The following MCFD2 variants were observed in gnomAD, a reference collection of about 807,000 sequenced individuals.
MCFD2 encodes multiple coagulation factor deficiency 2, ER cargo receptor complex subunit.
Under a neutral mutation model 12.8 loss-of-function variants are expected in MCFD2, and 11 were observed. The ratio of observed to expected loss-of-function variants is 0.86; its 90% CI spans 0.54 to 1.42. The LOEUF is 1.42. Among genes scored for constraint, MCFD2 ranks in the 40% most tolerant of loss-of-function variants. MCFD2 has a pLI of 0.00. For missense variants in MCFD2, 191 were observed against 178.6 expected (o/e 1.07, Z -0.40); for synonymous variants, 70 against 68.1 (o/e 1.03, Z -0.14).
rs1668178104 is a variant in MCFD2 at position 46,905,410 on chromosome 2, T to C, written c.*53A>G. The C allele has an allele frequency of 7.5e-6, 12 of 1,602,858 alleles. No individual in the cohort carries two copies. Among genetic ancestry groups the C allele is most frequent in the Non-Finnish European group, 6.0e-6 (7 of 1,171,886 alleles). ...TATTTTGCATTACTAAAGTGTTCAATCACATTATCACGGGTCACATTTGTA... is the reference window on the plus strand; with the variant it reads ...TATTTTGCATTACTAAAGTGTTCAACCACATTATCACGGGTCACATTTGTA... On this transcript the variant is annotated 3_prime_UTR_variant, in exon 4 of 4. Transcript: ENST00000319466.
At chr2:46,912,753 G>A (rs547106204) in intron 1 of MCFD2, 4 of 152,178 alleles carry the variant, frequency 2.6e-5, no homozygotes, top group Non-Finnish European at 5.9e-5. Context: ...TTGCTGGATG[G>A]GCTTTAAGAG....
At position 46,905,411 on chromosome 2, in the gene MCFD2, C is replaced by T; in HGVS notation, c.*52G>A. Reference sequence around the variant, plus strand: ...ATTTTGCATTACTAAAGTGTTCAATCACATTATCACGGGTCACATTTGTAT... The same window carrying T: ...ATTTTGCATTACTAAAGTGTTCAATTACATTATCACGGGTCACATTTGTAT... On this transcript the variant is annotated 3_prime_UTR_variant, in exon 4 of 4. Transcript: ENST00000319466. 6.2e-7 allele frequency: 1 copy of T among 1,604,206 alleles called. No individual in the cohort carries two copies. The highest frequency in any genetic ancestry group is 1.1e-5 in the South Asian group (1 of 90,624).
intron 3 of MCFD2, chr2:46,905,985 GATAAA>G (rs1668213240): frequency 2.1e-6 from 1 of 472,940 alleles, no homozygotes; most frequent in South Asian, 1.5e-5. Flanking sequence ...AAATTTGCCT[GATAAA>G]ATAGAAACAG....
chr2:46,915,960 G>GGACTGACGC, upstream of MCFD2: 3 of 985,444 alleles, frequency 3.0e-6, no homozygotes, highest in Non-Finnish European at 3.6e-6. Context: ...AGCACTGGCG[G>GGACTGACGC]GACTGACGCA....
rs1010203545 is a variant in MCFD2 at position 46,904,584 on chromosome 2, G to T, written c.*879C>A. The T allele has an allele frequency of 6.6e-6, 1 of 152,180 alleles. No individual in the cohort carries two copies. 9.4% of individuals were successfully genotyped at this position (152,180 alleles called of 1,614,324 possible). A position where few individuals can be genotyped will look rare whatever the true frequency, so the allele number is the denominator to read the frequency against. ...AAATTTGACAGCCCTGCTGGATTTC[G>T]GACTTGCATGGGCCCTGTAACCCCT... On this transcript the variant is annotated 3_prime_UTR_variant, in exon 4 of 4. Transcript: ENST00000319466.
upstream of MCFD2, chr2:46,917,354 T>G: frequency 1.7e-6 from 1 of 600,052 alleles, no homozygotes; most frequent in Non-Finnish European, 2.9e-6. Flanking sequence ...TCTTCTTTCC[T>G]TACTCTGAAC....
At chr2:46,917,307 C>A, upstream of MCFD2, 1 of 648,908 alleles carries the variant, frequency 1.5e-6, no homozygotes, top group South Asian at 1.7e-5. Flanking sequence ...CAAAGAATCC[C>A]TAAGTTTTGA....
At chr2:46,925,102 C>T (rs936086336) in intron 1 of MCFD2, among the ~76,000 whole-genome samples, 5 of 152,208 alleles carry the variant, frequency 3.3e-5, no homozygotes, top group African/African-American at 9.7e-5. Flanking sequence ...TGTTGCACTG[C>T]ACTTGGTTTT....
rs886056115 is a variant in MCFD2, at chr2:46,905,152, C to T, written c.*311G>A. ...CCCCAGCCATGTGGAACTGTAAGTC[C>T]AAGTAAACCTCTTTTTCTTCCCAGT... On this transcript the variant is annotated 3_prime_UTR_variant, in exon 4 of 4. Coordinates refer to ENST00000319466, the MANE Select transcript of MCFD2 (RefSeq NM_139279.6). 21 of 373,602 alleles carry T rather than the reference C, an allele frequency of 5.6e-5. No homozygotes were observed. Among genetic ancestry groups the T allele is most frequent in the Non-Finnish European group, 1.1e-4 (21 of 198,010 alleles). The allele number at this position is 373,602 out of a possible 1,614,324, so 23.1% of individuals were successfully genotyped here.
chr2:46,926,778 A>C (rs541867904), intron 1 of MCFD2, among the ~76,000 whole-genome samples: 1 of 152,366 alleles, frequency 6.6e-6, no homozygotes, highest in Non-Finnish European at 1.5e-5. Flanking sequence ...CACAAACTAG[A>C]AGAAAGAGCA....
chr2:46,923,084 T>C (rs1669190147), intron 1 of MCFD2, among the ~76,000 whole-genome samples: 1 of 152,242 alleles, frequency 6.6e-6, no homozygotes, highest in African/African-American at 2.4e-5. Flanking sequence ...TCTGTCCCCA[T>C]GGAGTTGGAG....
chr2:46,915,416 C>T (rs1668686023), intron 1 of MCFD2, among the ~76,000 whole-genome samples: 1 of 152,058 alleles, frequency 6.6e-6, no homozygotes, highest in African/African-American at 2.4e-5. Context: ...GCTTTTGGGC[C>T]GGGCCAGGAG....
rs1296943515 is a variant in MCFD2 at position 46,908,587 on chromosome 2, A to G, written c.149+436T>C. 9.9e-6 allele frequency: 3 copies of G among 304,126 alleles called. No homozygotes were observed. The Admixed American group carries it at 1.5e-4, about 15-fold the overall frequency. 18.8% of individuals were successfully genotyped at this position (304,126 alleles called of 1,614,324 possible). On this transcript the variant is annotated intron_variant, in intron 2 of 3. Coordinates refer to ENST00000319466, the MANE Select transcript of MCFD2 (RefSeq NM_139279.6). The surrounding 1 kb of genome is among the most constrained non-coding windows in gnomAD (Gnocchi z 4.5). Reference sequence around the variant, plus strand: ...CCTTAAAAACAAAGGATAACCGAGTATAATGCGTGAGGCTAACTGGCCCAA... The same window carrying G: ...CCTTAAAAACAAAGGATAACCGAGTGTAATGCGTGAGGCTAACTGGCCCAA...
chr2:46,920,420 C>A (rs1030049481), upstream of MCFD2, among the ~76,000 whole-genome samples: 2 of 152,068 alleles, frequency 1.3e-5, no homozygotes, highest in Non-Finnish European at 2.9e-5. Flanking sequence ...ATCTTTGCCT[C>A]CTGGGTTCAA....
At chr2:46,933,153 G>T (rs1037575085) in intron 1 of MCFD2, among the ~76,000 whole-genome samples, 1 of 152,126 alleles carries the variant, frequency 6.6e-6, no homozygotes, top group African/African-American at 2.4e-5. Flanking sequence ...TCTGGAGAGG[G>T]GCCCATTGTA....
rs964998587 is a variant in MCFD2, at chr2:46,905,243, C to T, written c.*220G>A. 5 of 568,306 alleles carry T rather than the reference C, an allele frequency of 8.8e-6. No homozygotes were observed. The highest frequency in any genetic ancestry group is 1.6e-5 in the Non-Finnish European group (5 of 311,858). 35.2% of individuals were successfully genotyped at this position (568,306 alleles called of 1,614,324 possible). ...ACAGATGCTTGAAGCAAGCCCTTGT[C>T]CAATAAGGTATTTAATAGCACTTAG... On this transcript the variant is annotated 3_prime_UTR_variant, in exon 4 of 4. Coordinates refer to ENST00000319466, the MANE Select transcript of MCFD2 (RefSeq NM_139279.6).
In MCFD2 at chr2:46,905,571, T is replaced by A. The variant is rs938179506; in HGVS notation, c.333A>T (p.Leu111=). 7 of 1,613,474 alleles carry A rather than the reference T, an allele frequency of 4.3e-6. No individual in the cohort carries two copies. The highest frequency in any genetic ancestry group is 1.3e-5 in the African/African-American group (1 of 74,866). ...TGTTAATCAGTTCATCTTCACTCAT[T>A]AGTGGTGCCTGTTCACTCCCTTCCT... is the stretch of plus-strand genomic sequence containing the variant. The part of the protein sequence containing the change: ...HKEEGSEQAP[L]MSEDELINII... The change falls in exon 4 of 4, where the codon CTA becomes CTT. Residue 111 remains leucine (L), a synonymous_variant. Coordinates refer to ENST00000319466, the MANE Select transcript of MCFD2 (RefSeq NM_139279.6).
In MCFD2 at chr2:46,941,615, A is replaced by C. The variant is rs1208350252; in HGVS notation, c.-51T>G. The C allele has an allele frequency of 3.9e-6, 6 of 1,556,400 alleles. No individual in the cohort carries two copies. In the South Asian group the frequency reaches 5.9e-5, roughly 15 times the overall value. ...CTGGAGCGCTGCCGCGCCGAGGGCC[A>C]CTGGGACCGCATGCCGGAGCTGGTC... is the stretch of plus-strand genomic sequence containing the variant. On this transcript the variant is annotated 5_prime_UTR_variant, in exon 1 of 3. Transcript: ENST00000409147. This position sits in a 1 kb window ranked among gnomAD's most constrained non-coding sequence, Gnocchi z 4.2.
At position 46,904,121 on chromosome 2, in the gene MCFD2, A is replaced by G. The variant is rs1282577850; in HGVS notation, c.*1342T>C. ...GCTGTTAAGCCTGCAGGTGCACAGA[A>G]GTCAAGAATTGAGATTTGGAAACCT... On this transcript the variant is annotated 3_prime_UTR_variant, in exon 4 of 4. Coordinates refer to ENST00000319466, the MANE Select transcript of MCFD2 (RefSeq NM_139279.6). 6.6e-6 allele frequency: 1 copy of G among 152,306 alleles called. No homozygotes were observed. Among genetic ancestry groups the G allele is most frequent in the Non-Finnish European group, 1.5e-5 (1 of 68,072 alleles). 9.4% of individuals were successfully genotyped at this position (152,306 alleles called of 1,614,324 possible). A position where few individuals can be genotyped will look rare whatever the true frequency, so the allele number is the denominator to read the frequency against.
Sources: allele counts gnomAD v4.1 joint callset (sites outside exome capture counted in the v4.1 genomes callset), GRCh38; gene constraint gnomAD v4.1.1; non-coding constraint Gnocchi (gnomAD v3.1); transcripts MANE v1.5; gene names NCBI Gene and HGNC (gene_info 2026-07-23, HGNC 2026-07-21).